Variants in FAM13C observed in about 807,000 individuals in gnomAD.
FAM13C encodes the protein protein FAM13C.
A neutral mutation model predicts 73.2 loss-of-function variants in FAM13C; 37 were observed. That is an observed-to-expected ratio of 0.51 (90% confidence interval 0.39 to 0.67). The LOEUF is 0.67. Ranked by LOEUF, FAM13C falls within the 30% of genes least tolerant of loss-of-function variation. FAM13C has a pLI of 0.00. For synonymous variants in FAM13C, 246 were observed against 260.9 expected (o/e 0.94, Z 0.55); for missense variants, 589 against 715.6 (o/e 0.82, Z 2.02).
At chr10:59,286,176 A>G (rs904622607) in intron 5 of FAM13C, among the ~76,000 whole-genome samples, 3 of 152,324 alleles carry the variant, frequency 2.0e-5, no homozygotes, top group African/African-American at 7.2e-5. Flanking sequence ...TCACAAAAGG[A>G]TAACTACTGT....
In FAM13C at chr10:59,247,565, AACTTT is replaced by A; in HGVS notation, c.*44_*48del. 1 of 1,610,276 alleles carries A rather than the reference AACTTT, an allele frequency of 6.2e-7. No homozygotes were observed. Among genetic ancestry groups the A allele is most frequent in the Non-Finnish European group, 8.5e-7 (1 of 1,178,474 alleles). ...TTAGCAAGGATGGCAGAGGAAAATA[AACTTT>A]ACTTTATATCATGGGTGAAAGTGAT... On this transcript the variant is annotated 3_prime_UTR_variant, in exon 14 of 14. Transcript: ENST00000618804.
rs1320378145 is a variant in FAM13C, at chr10:59,247,436, C to T, written c.*178G>A. The T allele has an allele frequency of 1.4e-5, 10 of 695,766 alleles. No homozygotes were observed. The highest frequency in any genetic ancestry group is 3.9e-5 in the South Asian group (2 of 51,556). 43.1% of individuals were successfully genotyped at this position (695,766 alleles called of 1,614,324 possible). On this transcript the variant is annotated 3_prime_UTR_variant, in exon 14 of 14. Coordinates refer to ENST00000618804, the MANE Select transcript of FAM13C (RefSeq NM_198215.4). ...TGGCTACCTGTTGTATTCTTCCCCC[C>T]GTTTAAATCCCTTCTCCTTGTATAT...
intron 6 of FAM13C, among the ~76,000 whole-genome samples, chr10:59,272,112 A>T (rs750440654): frequency 3.9e-5 from 6 of 152,232 alleles, no homozygotes; most frequent in Admixed American, 6.5e-5. Flanking sequence ...GCTTTTTAAA[A>T]AACTGCATTG....
intron 3 of FAM13C, among the ~76,000 whole-genome samples, chr10:59,349,874 T>G (rs2134242757): frequency 6.6e-6 from 1 of 152,352 alleles, no homozygotes; most frequent in East Asian, 1.9e-4. Flanking sequence ...TAAGAAGTCC[T>G]CTCTATACTT....
At chr10:59,328,263 G>C (rs960246932) in intron 3 of FAM13C, among the ~76,000 whole-genome samples, 4 of 152,258 alleles carry the variant, frequency 2.6e-5, no homozygotes, top group Non-Finnish European at 5.9e-5. Flanking sequence ...GATAACAAAA[G>C]GAAAGCTATT....
intron 4 of FAM13C, among the ~76,000 whole-genome samples, chr10:59,304,865 G>T (rs1311072147): frequency 6.8e-6 from 1 of 147,138 alleles, no homozygotes; most frequent in African/African-American, 2.5e-5. Flanking sequence ...GGAAGGGAAA[G>T]GGAGGGCATT....
intron 6 of FAM13C, among the ~76,000 whole-genome samples, chr10:59,276,036 A>G (rs1035030819): frequency 1.3e-5 from 2 of 152,198 alleles, no homozygotes; most frequent in Non-Finnish European, 2.9e-5. Flanking sequence ...TCACATAAAA[A>G]TTATTAATAG....
chr10:59,356,621 C>T (rs1855739749), intron 1 of FAM13C, among the ~76,000 whole-genome samples: 1 of 152,164 alleles, frequency 6.6e-6, no homozygotes, highest in Non-Finnish European at 1.5e-5. Flanking sequence ...CCTACTCATC[C>T]TTCACTGCCC....
At chr10:59,342,087 G>A (rs1853590289) in intron 3 of FAM13C, among the ~76,000 whole-genome samples, 2 of 152,138 alleles carry the variant, frequency 1.3e-5, no homozygotes, top group African/African-American at 4.8e-5. Context: ...GCTCATGAAA[G>A]TCAGCCTTCC....
intron 3 of FAM13C, among the ~76,000 whole-genome samples, chr10:59,326,445 T>C (rs1157250140): frequency 6.6e-6 from 1 of 152,060 alleles, no homozygotes; most frequent in East Asian, 1.9e-4. Context: ...GGCTCTGATG[T>C]GATAGGTATG....
intron 13 of FAM13C, among the ~76,000 whole-genome samples, chr10:59,250,234 AG>A (rs1718285325): frequency 6.6e-6 from 1 of 152,252 alleles, no homozygotes; most frequent in Non-Finnish European, 1.5e-5. Context: ...AGGAGCAGAC[AG>A]TCCAGACAGA....
intron 3 of FAM13C, among the ~76,000 whole-genome samples, chr10:59,340,622 A>G (rs1853368518): frequency 1.3e-5 from 2 of 152,120 alleles, no homozygotes; most frequent in South Asian, 4.1e-4. Context: ...TCAGAGATAT[A>G]TAATAGGGTT....
intron 8 of FAM13C, among the ~76,000 whole-genome samples, chr10:59,265,927 C>T (rs867674089): frequency 3.3e-5 from 5 of 152,142 alleles, no homozygotes; most frequent in African/African-American, 7.2e-5. Flanking sequence ...AGACCCCAAA[C>T]GTCATACACA....
chr10:59,305,316 C>A (rs1352897283), intron 4 of FAM13C, among the ~76,000 whole-genome samples: 1 of 152,198 alleles, frequency 6.6e-6, no homozygotes, highest in Non-Finnish European at 1.5e-5. Flanking sequence ...GGTCCAATGT[C>A]ATCTGTTAAA....
At chr10:59,330,119 T>C (rs1851776528) in intron 3 of FAM13C, among the ~76,000 whole-genome samples, 1 of 152,214 alleles carries the variant, frequency 6.6e-6, no homozygotes, top group South Asian at 2.1e-4. Flanking sequence ...AGCTTTGATA[T>C]ACAGTTCTTG....
chr10:59,315,569 G>C (rs1564570598), intron 4 of FAM13C, among the ~76,000 whole-genome samples: 1 of 152,084 alleles, frequency 6.6e-6, no homozygotes, highest in Non-Finnish European at 1.5e-5. Context: ...CTGTGGGCTA[G>C]AGCCAAAGGT....
At chr10:59,323,162 C>T (rs1029564101) in intron 4 of FAM13C, 1 of 152,218 alleles carries the variant, frequency 6.6e-6, no homozygotes, top group African/African-American at 2.4e-5. Flanking sequence ...CCTCCCTTTC[C>T]ACTGAGTGAG....
At chr10:59,345,087 G>A (rs764534316) in intron 3 of FAM13C, among the ~76,000 whole-genome samples, 1 of 152,080 alleles carries the variant, frequency 6.6e-6, no homozygotes, top group Non-Finnish European at 1.5e-5. Context: ...ATAGGAAGTG[G>A]CAAATGGACA....
intron 3 of FAM13C, among the ~76,000 whole-genome samples, chr10:59,336,557 A>G (rs1197095808): frequency 6.6e-6 from 1 of 152,180 alleles, no homozygotes; most frequent in East Asian, 1.9e-4. Flanking sequence ...TCTGACTGGT[A>G]TCACCCCAGT....
Sources: gnomAD v4.1 joint callset for allele counts (sites outside exome capture counted in the v4.1 genomes callset) on GRCh38, gnomAD v4.1.1 for gene constraint, MANE v1.5 for transcripts, NCBI Gene and HGNC (gene_info 2026-07-23, HGNC 2026-07-21) for gene names.